The following DIP2C variants were observed in gnomAD, a reference collection of about 807,000 sequenced individuals.
DIP2C encodes DIP2 acetate--CoA ligase C (putative).
DIP2C carries 33 observed loss-of-function variants against 192.4 expected under a neutral mutation model. The observed-to-expected ratio is 0.17, with a 90% confidence interval of 0.13 to 0.23. The LOEUF (loss-of-function observed/expected upper bound fraction) is 0.23. DIP2C is among the 10% of genes least tolerant of loss of function. The pLI, the probability that DIP2C is intolerant of heterozygous loss-of-function variation, is 1.00. For synonymous variants in DIP2C, 979 were observed against 864.1 expected (o/e 1.13, Z -2.33); for missense variants, 1,537 against 2,110.1 (o/e 0.73, Z 5.32).
chr10:376,097 G>A (rs2132834790), intron 17 of DIP2C, among the ~76,000 whole-genome samples: 1 of 152,290 alleles, frequency 6.6e-6, no homozygotes, highest in East Asian at 1.9e-4. Context: ...CAAGCTCTGT[G>A]TGTGTATGAA....
At chr10:521,567 G>T (rs1371536646) in intron 1 of DIP2C, among the ~76,000 whole-genome samples, 1 of 152,154 alleles carries the variant, frequency 6.6e-6, no homozygotes, top group Admixed American at 6.5e-5. Context: ...GGAGAAGCCG[G>T]TCCAGATATA....
chr10:277,818 A>T (rs1358389354), intron 36 of DIP2C, among the ~76,000 whole-genome samples: 1 of 151,112 alleles, frequency 6.6e-6, no homozygotes, highest in Non-Finnish European at 1.5e-5. Context: ...CGACTGTTTC[A>T]CCATCTTCCC....
chr10:610,859 T>C (rs1387850030), intron 1 of DIP2C, among the ~76,000 whole-genome samples: 41 of 136,184 alleles, frequency 3.0e-4, no homozygotes, highest in South Asian at 2.8e-3. Flanking sequence ...GACTGACTCA[T>C]GGGGGTGGTT....
intron 31 of DIP2C, among the ~76,000 whole-genome samples, chr10:323,398 C>G (rs192432986): frequency 4.9e-4 from 60 of 121,288 alleles, no homozygotes; most frequent in African/African-American, 5.6e-4. Context: ...GGGTGCGGGG[C>G]TCCGGCGAGA....
intron 1 of DIP2C, among the ~76,000 whole-genome samples, chr10:641,532 G>A (rs1042929539): frequency 2.0e-5 from 3 of 152,164 alleles, no homozygotes; most frequent in African/African-American, 7.2e-5. Context: ...CACCTGGTCA[G>A]TACCCAGGGA....
chr10:439,598 G>A (rs80050732), intron 4 of DIP2C, among the ~76,000 whole-genome samples: 2,462 of 152,188 alleles, frequency 0.016, 75 homozygotes, highest in African/African-American at 0.056. Flanking sequence ...AATTCTGACC[G>A]TGGCGATAGA....
chr10:341,450 A>G, intron 28 of DIP2C, 121 bp from the exon 29 acceptor site: 1 of 1,421,000 alleles, frequency 7.0e-7, no homozygotes, highest in Non-Finnish European at 9.7e-7. Context: ...ACCCTCAGAC[A>G]CCCGGGACAA....
At position 652,903 on chromosome 10, in the gene DIP2C, C is replaced by A. The variant is rs1347821051; in HGVS notation, c.85+36591G>T. On this transcript the variant is annotated intron_variant, in intron 1 of 36. Transcript: ENST00000280886. This position sits in a 1 kb window ranked among gnomAD's most constrained non-coding sequence, Gnocchi z 4.5. ...AGATGGACCCTGCTCTCCTTCCTCC[C>A]CGCCCACAGCTACCTCGCAGCAGCC... Among the ~76,000 whole-genome samples, 1 of 152,058 alleles carries A rather than the reference C, an allele frequency of 6.6e-6. No homozygotes were observed. Among genetic ancestry groups the A allele is most frequent in the African/African-American group, 2.4e-5 (1 of 41,402 alleles).
At chr10:668,935 G>A (rs1182825360) in intron 1 of DIP2C, 7 of 152,086 alleles carry the variant, frequency 4.6e-5, no homozygotes, top group Admixed American at 1.3e-4. Flanking sequence ...TCATCCCTCG[G>A]AACAAAACAC....
intron 10 of DIP2C, among the ~76,000 whole-genome samples, chr10:397,435 G>A (rs1046725757): frequency 6.6e-6 from 1 of 152,022 alleles, no homozygotes; most frequent in Admixed American, 6.6e-5. Flanking sequence ...GAGGCTGAGG[G>A]AGGAGAATCG....
intron 18 of DIP2C, among the ~76,000 whole-genome samples, chr10:368,894 G>A (rs972963572): frequency 2.2e-4 from 33 of 152,358 alleles, no homozygotes; most frequent in African/African-American, 6.5e-4. Context: ...TGAGTTGAGC[G>A]CCAAGCGTGT....
chr10:342,943 G>A (rs577836990), intron 28 of DIP2C, among the ~76,000 whole-genome samples: 66 of 152,290 alleles, frequency 4.3e-4, no homozygotes, highest in Non-Finnish European at 7.9e-4. Context: ...ACAAACCTCA[G>A]AGGAAAAAGG....
At chr10:388,837 C>T (rs773920182) in intron 13 of DIP2C, among the ~76,000 whole-genome samples, 23 of 152,222 alleles carry the variant, frequency 1.5e-4, no homozygotes, top group Admixed American at 2.0e-4. Flanking sequence ...CAGGGGTGCA[C>T]GCCGCAGCGG....
At chr10:615,957 A>T (rs1853444597) in intron 1 of DIP2C, among the ~76,000 whole-genome samples, 1 of 152,162 alleles carries the variant, frequency 6.6e-6, no homozygotes, top group Non-Finnish European at 1.5e-5. Flanking sequence ...GCTCACATTA[A>T]TGACCACATG....
chr10:507,055 C>T (rs981470069), intron 1 of DIP2C, among the ~76,000 whole-genome samples: 2 of 151,588 alleles, frequency 1.3e-5, no homozygotes, highest in African/African-American at 2.4e-5. Context: ...CCATTGTGCA[C>T]GATAAGAGGT....
intron 22 of DIP2C, among the ~76,000 whole-genome samples, chr10:358,245 T>TA (rs1959171381): frequency 6.6e-6 from 1 of 151,782 alleles, no homozygotes; most frequent in Non-Finnish European, 1.5e-5. Flanking sequence ...GCCATGATTG[T>TA]AAAAAATAAA....
At chr10:683,457 G>T (rs545100910) in intron 1 of DIP2C, among the ~76,000 whole-genome samples, 1 of 152,322 alleles carries the variant, frequency 6.6e-6, no homozygotes, top group Admixed American at 6.5e-5. Flanking sequence ...ACAGAAGGAA[G>T]ATTAAAGCCC....
chr10:469,863 A>G (rs1313942417), intron 3 of DIP2C, among the ~76,000 whole-genome samples: 1 of 152,110 alleles, frequency 6.6e-6, no homozygotes, highest in African/African-American at 2.4e-5. Context: ...CGTTCCCCAA[A>G]TGTGTCACAC....
Position 425,597 on chromosome 10 carries a change from G to A in DIP2C, c.395-2564C>T, listed in dbSNP as rs116004676. ...CAGCAGTGACTAATATGAAATGGAT[G>A]CAGCATGACCAGCGGTGACTAATAT... is the stretch of plus-strand genomic sequence containing the variant. On this transcript the variant is annotated intron_variant, in intron 4 of 36. Coordinates refer to ENST00000280886, the MANE Select transcript of DIP2C (RefSeq NM_014974.3). Among the ~76,000 whole-genome samples the A allele has an allele frequency of 4.4e-3, 572 of 129,362 alleles. 6 individuals are homozygous for A. The highest frequency in any genetic ancestry group is 0.014 in the East Asian group (56 of 3,944). 84.9% of individuals were successfully genotyped at this position (129,362 alleles called of 152,430 possible).
Sources: gnomAD v4.1 joint callset for allele counts (sites outside exome capture counted in the v4.1 genomes callset) on GRCh38, gnomAD v4.1.1 for gene constraint, Gnocchi (gnomAD v3.1) non-coding constraint, MANE v1.5 for transcripts, NCBI Gene and HGNC (gene_info 2026-07-23, HGNC 2026-07-21) for gene names.